The following NXPH1 variants were observed in gnomAD, a reference collection of about 807,000 sequenced individuals.
The protein encoded by NXPH1 is neurexophilin-1.
Under a neutral mutation model 23.7 loss-of-function variants are expected in NXPH1, and 5 were observed. The ratio of observed to expected loss-of-function variants is 0.21; its 90% CI spans 0.11 to 0.44. The LOEUF is 0.44. NXPH1 is among the 20% of genes least tolerant of loss of function. The pLI is 0.99. For synonymous variants in NXPH1, 144 were observed against 122.2 expected (o/e 1.18, Z -1.18); for missense variants, 324 against 321.6 (o/e 1.01, Z -0.06).
rs554098473 is a variant in NXPH1 at position 8,548,265 on chromosome 7, C to A, written c.54+112498C>A. On this transcript the variant is annotated intron_variant, in intron 2 of 2. Coordinates refer to ENST00000405863, the MANE Select transcript of NXPH1 (RefSeq NM_152745.3). ...AGTTTACCATGCTCCTCAATGAGCA[C>A]TACTCCTAGTGTAGCTCACTGTCAC... 9.5e-4 allele frequency among the ~76,000 whole-genome samples: 144 copies of A among 151,654 alleles called. No individual in the cohort carries two copies. In the Middle Eastern group the frequency reaches 0.014, roughly 14 times the overall value.
intron 2 of NXPH1, among the ~76,000 whole-genome samples, chr7:8,664,355 C>A (rs2115164257): frequency 6.6e-6 from 1 of 152,210 alleles, no homozygotes; most frequent in East Asian, 1.9e-4. Flanking sequence ...AAGCACACTT[C>A]ACATGTGCCT....
At chr7:8,532,468 T>TTGGG (rs796667727) in intron 2 of NXPH1, among the ~76,000 whole-genome samples, 2 of 20,810 alleles carry the variant, frequency 9.6e-5, no homozygotes, top group Non-Finnish European at 1.3e-4. Flanking sequence ...ATATTTTTTT[T>TTGGG]GGGGGGGGGG....
intron 2 of NXPH1, among the ~76,000 whole-genome samples, chr7:8,729,919 T>C (rs1269958792): frequency 8.9e-5 from 13 of 146,810 alleles, no homozygotes; most frequent in Non-Finnish European, 1.7e-4. Context: ...CTCGTTGATC[T>C]GTCTAATGTT....
chr7:8,586,268 A>T (rs948354804), intron 2 of NXPH1, among the ~76,000 whole-genome samples: 4 of 152,178 alleles, frequency 2.6e-5, no homozygotes, highest in Non-Finnish European at 4.4e-5. Flanking sequence ...TAGAACAGGA[A>T]TGCAAGGGGA....
intron 2 of NXPH1, among the ~76,000 whole-genome samples, chr7:8,624,141 C>T (rs1819939862): frequency 1.3e-5 from 2 of 152,062 alleles, no homozygotes; most frequent in South Asian, 4.2e-4. Context: ...ATTGGTAGCA[C>T]AGGGTGAGTT....
chr7:8,592,298 A>G (rs1380748351), intron 2 of NXPH1, among the ~76,000 whole-genome samples: 1 of 152,000 alleles, frequency 6.6e-6, no homozygotes, highest in African/African-American at 2.4e-5. Context: ...TTCAAATGTC[A>G]CGCAATACAT....
chr7:8,479,165 T>C (rs561285921), intron 2 of NXPH1, among the ~76,000 whole-genome samples: 16 of 152,196 alleles, frequency 1.1e-4, no homozygotes, highest in African/African-American at 3.6e-4. Flanking sequence ...AGATCAAGTA[T>C]CTATAAAACA....
chr7:8,722,948 C>T (rs1173165820), intron 2 of NXPH1, among the ~76,000 whole-genome samples: 2 of 152,234 alleles, frequency 1.3e-5, no homozygotes, highest in East Asian at 3.9e-4. Context: ...AACCACAGAG[C>T]AAAAATGTCA....
intron 2 of NXPH1, among the ~76,000 whole-genome samples, chr7:8,595,189 C>T (rs1171649263): frequency 3.5e-5 from 5 of 141,798 alleles, no homozygotes; most frequent in African/African-American, 1.5e-4. Flanking sequence ...TTACTTCTGC[C>T]AGTATAAATA....
At chr7:8,559,942 G>C (rs1447265870) in intron 2 of NXPH1, among the ~76,000 whole-genome samples, 2 of 151,668 alleles carry the variant, frequency 1.3e-5, no homozygotes, top group African/African-American at 2.4e-5. Flanking sequence ...AAGATTGCCA[G>C]AATCGATTAT....
At chr7:8,591,730 G>A (rs1477551452) in intron 2 of NXPH1, among the ~76,000 whole-genome samples, 4 of 151,916 alleles carry the variant, frequency 2.6e-5, no homozygotes, top group Non-Finnish European at 1.5e-5. Flanking sequence ...GTGTTTTAAT[G>A]TGGTAGGTAC....
At chr7:8,694,991 G>T (rs1473493695) in intron 2 of NXPH1, among the ~76,000 whole-genome samples, 2 of 152,174 alleles carry the variant, frequency 1.3e-5, no homozygotes, top group African/African-American at 4.8e-5. Context: ...GTATTAGAGG[G>T]TTTAGACTTT....
At chr7:8,585,896 G>C (rs752273359) in intron 2 of NXPH1, among the ~76,000 whole-genome samples, 20 of 152,130 alleles carry the variant, frequency 1.3e-4, no homozygotes, top group Non-Finnish European at 2.6e-4. Flanking sequence ...AGTACTTCTT[G>C]ACCTGAATAG....
At chr7:8,572,592 A>AT (rs1383302411) in intron 2 of NXPH1, among the ~76,000 whole-genome samples, 1 of 152,040 alleles carries the variant, frequency 6.6e-6, no homozygotes, top group Non-Finnish European at 1.5e-5. Flanking sequence ...CCTGATGCTT[A>AT]TTTTTTTAAA....
At chr7:8,495,226 A>T (rs75580358) in intron 2 of NXPH1, among the ~76,000 whole-genome samples, 14,613 of 151,812 alleles carry the variant, frequency 0.096, 860 homozygotes, top group East Asian at 0.15. Flanking sequence ...CTTGAATCTC[A>T]AGGTAGTCTG....
At chr7:8,503,280 A>C (rs1203235061) in intron 2 of NXPH1, among the ~76,000 whole-genome samples, 1 of 152,034 alleles carries the variant, frequency 6.6e-6, no homozygotes, top group Non-Finnish European at 1.5e-5. Context: ...AACAACTTGC[A>C]CAAGGAAGGT....
chr7:8,717,424 G>C (rs1176199612), intron 2 of NXPH1, among the ~76,000 whole-genome samples: 1 of 152,034 alleles, frequency 6.6e-6, no homozygotes, highest in African/African-American at 2.4e-5. Context: ...GTCAACCTCT[G>C]CAAAATGTTC....
At chr7:8,731,446 T>A (rs1780152095) in intron 2 of NXPH1, among the ~76,000 whole-genome samples, 1 of 152,222 alleles carries the variant, frequency 6.6e-6, no homozygotes, top group African/African-American at 2.4e-5. Context: ...GTTTTTCTGC[T>A]CTGTTTTTTC....
At chr7:8,593,431 A>C (rs1819146301) in intron 2 of NXPH1, among the ~76,000 whole-genome samples, 1 of 152,014 alleles carries the variant, frequency 6.6e-6, no homozygotes, top group Non-Finnish European at 1.5e-5. Flanking sequence ...AATTAGTGTC[A>C]TATTTCCAGT....
Sources: allele counts gnomAD v4.1 joint callset (sites outside exome capture counted in the v4.1 genomes callset), GRCh38; gene constraint gnomAD v4.1.1; transcripts MANE v1.5; gene names NCBI Gene and HGNC (gene_info 2026-07-23, HGNC 2026-07-21).